Variants in CARMIL2 observed in about 807,000 individuals in gnomAD.
The protein encoded by CARMIL2 is capping protein, Arp2/3 and myosin-I linker protein 2.
In CARMIL2, 96 loss-of-function variants were observed where a neutral mutation model predicts 173.3. The observed-to-expected ratio is 0.55, with a 90% confidence interval of 0.47 to 0.66. CARMIL2 has a LOEUF of 0.66. CARMIL2 is among the 30% of genes least tolerant of loss of function. The pLI is 0.00. For missense variants in CARMIL2, 1,771 were observed against 1,906.7 expected (o/e 0.93, Z 1.33); for synonymous variants, 830 against 817.1 (o/e 1.02, Z -0.27).
rs757809867 is a variant in CARMIL2 at position 67,652,155 on chromosome 16, T to C, written c.2677-44T>C. On this transcript the variant is annotated intron_variant, in intron 26 of 37. Transcript: ENST00000334583. This position sits in a 1 kb window ranked among gnomAD's most constrained non-coding sequence, Gnocchi z 4.7. ...CCCTTAGTTAGCATCAATGGGATCATGGCTGAGGCCCTACCTGCCATCTTT... is the reference window on the plus strand; with the variant it reads ...CCCTTAGTTAGCATCAATGGGATCACGGCTGAGGCCCTACCTGCCATCTTT... The C allele has an allele frequency of 7.5e-6, 12 of 1,605,500 alleles. No individual in the cohort carries two copies. Among genetic ancestry groups the C allele is most frequent in the East Asian group, 4.5e-5 (2 of 44,776 alleles).
rs777012923 is a variant in CARMIL2, at chr16:67,645,708, G to A, written c.133-16G>A. ...GCCTCTTGCTCTGCCCAGGATATCAGACTGTCTTTCCCCAGGCACTGCTAC... is the reference window on the plus strand; with the variant it reads ...GCCTCTTGCTCTGCCCAGGATATCAAACTGTCTTTCCCCAGGCACTGCTAC... On this transcript the variant is annotated splice_polypyrimidine_tract_variant and intron_variant, in intron 2 of 37. Transcript: ENST00000334583. 1.9e-6 allele frequency: 3 copies of A among 1,613,556 alleles called. No individual in the cohort carries two copies. Among genetic ancestry groups the A allele is most frequent in the Non-Finnish European group, 2.5e-6 (3 of 1,179,894 alleles).
chr16:67,657,084 T>C lies in CARMIL2; in HGVS notation c.4118-155T>C. 2.5e-6 allele frequency: 2 copies of C among 800,212 alleles called. No homozygotes were observed. Among genetic ancestry groups the C allele is most frequent in the Middle Eastern group, 2.4e-4 (1 of 4,164 alleles). The allele number at this position is 800,212 out of a possible 1,614,324, so 49.6% of individuals were successfully genotyped here. A position where few individuals can be genotyped will look rare whatever the true frequency, so the allele number is the denominator to read the frequency against. Reference sequence around the variant, plus strand: ...TGGCTCCACTTCCCGAAGAGCAGCCTCTGCCAGGGGTGAGGACGCAGGGAC... The same window carrying C: ...TGGCTCCACTTCCCGAAGAGCAGCCCCTGCCAGGGGTGAGGACGCAGGGAC... On this transcript the variant is annotated intron_variant, in intron 36 of 37. Coordinates refer to ENST00000334583, the MANE Select transcript of CARMIL2 (RefSeq NM_001013838.3). The surrounding 1 kb of genome is among the most constrained non-coding windows in gnomAD (Gnocchi z 4.5).
intron 22 of CARMIL2, chr16:67,650,691 T>C: frequency 5.8e-6 from 1 of 173,722 alleles, no homozygotes; most frequent in Non-Finnish European, 1.2e-5. Flanking sequence ...TGGAGCCCAA[T>C]CCCACTGGTG....
Position 67,656,246 on chromosome 16 carries a change from C to A in CARMIL2, c.3761C>A (p.Ser1254Tyr), listed in dbSNP as rs758260253. The change falls in exon 34 of 38, where the codon TCC (serine) becomes TAC (tyrosine). Residue 1254 changes from serine to tyrosine, a missense_variant. Around this residue, in one of 3 missense-constraint regions of CARMIL2, gnomAD observed 817 missense variants for 903.5 expected, o/e 0.90. Coordinates refer to ENST00000334583, the MANE Select transcript of CARMIL2 (RefSeq NM_001013838.3). The part of the protein sequence containing the change: ...AGSDGDIMDS[S>Y]TEAPPISIKS... ...CTTGCAGGTGACATTATGGACAGTT[C>A]CACGGAGGCCCCTCCCATCTCGATC... 19 of 1,613,882 alleles carry A rather than the reference C, an allele frequency of 1.2e-5. No homozygotes were observed. Among genetic ancestry groups the A allele is most frequent in the Admixed American group, 8.3e-5 (5 of 60,010 alleles).
rs776552093 is a variant in CARMIL2, at chr16:67,654,759, C to A, written c.3583-19C>A. The stretch of plus-strand genomic sequence containing the variant: ...CCCAGGGCGCGGACTGTCTCCAACT[C>A]GAGCATCTCTGTCCCTAGCGGCGGC... On this transcript the variant is annotated intron_variant, in intron 31 of 37. Transcript: ENST00000334583. The A allele has an allele frequency of 3.7e-6, 6 of 1,612,554 alleles. No homozygotes were observed. Among genetic ancestry groups the A allele is most frequent in the African/African-American group, 2.7e-5 (2 of 74,916 alleles).
intron 22 of CARMIL2, 82 bp downstream of exon 22, chr16:67,650,232 T>C (rs2052699186): frequency 6.7e-6 from 8 of 1,198,748 alleles, no homozygotes; most frequent in Non-Finnish European, 9.5e-6. Flanking sequence ...TCAGAGGGTC[T>C]GACTTTCCTG....
intron 35 of CARMIL2, 28 bp from the exon 36 acceptor site, chr16:67,656,773 A>AT (rs1160166451): frequency 6.4e-7 from 1 of 1,551,568 alleles, no homozygotes; most frequent in South Asian, 1.2e-5. Context: ...AGCTGTTGGA[A>AT]TACCCCTGAT....
rs149839902 is a variant in CARMIL2, at chr16:67,655,107, G to A, written c.3705+207G>A. The stretch of plus-strand genomic sequence containing the variant: ...ACCAGCATCTCCTCTTTGGACCTGA[G>A]AAAGTCTTTTCTCTGCAGGTCTAAT... On this transcript the variant is annotated intron_variant, in intron 32 of 37. Coordinates refer to ENST00000334583, the MANE Select transcript of CARMIL2 (RefSeq NM_001013838.3). Among the ~76,000 whole-genome samples the A allele has an allele frequency of 1.6e-3, 244 of 152,352 alleles. 2 individuals are homozygous for A. Among genetic ancestry groups the A allele is most frequent in the African/African-American group, 5.6e-3 (231 of 41,590 alleles).
At chr16:67,655,443 GA>G (rs1195928525) in intron 32 of CARMIL2, among the ~76,000 whole-genome samples, 1 of 152,098 alleles carries the variant, frequency 6.6e-6, no homozygotes, top group Admixed American at 6.5e-5. Context: ...AAAAGAAAAA[GA>G]AAAAAATCTG....
rs771997171 is a variant in CARMIL2 at position 67,650,130 on chromosome 16, G to C, written c.2164G>C (p.Val722Leu). Reference sequence around the variant, plus strand: ...GACCCGCCTTCAGCCACTTGGTCTGGTCTCAGACCCCTCAGAGCAGGTCAA... The same window carrying C: ...GACCCGCCTTCAGCCACTTGGTCTGCTCTCAGACCCCTCAGAGCAGGTCAA... ...HTTRLQPLGL[V>L]SDPSEQEVNE... The change falls in exon 22 of 38, where the codon GTC becomes CTC. Residue 722 changes from valine (V) to leucine (L), a missense_variant. Transcript: ENST00000334583. 5 of 1,612,606 alleles carry C rather than the reference G, an allele frequency of 3.1e-6. No homozygotes were observed. The African/African-American group carries it at 5.3e-5, about 17-fold the overall frequency.
chr16:67,648,257 G>A lies in CARMIL2; in HGVS notation c.1277G>A (p.Arg426Gln). The A allele has an allele frequency of 6.3e-7, 1 of 1,599,800 alleles. No individual in the cohort carries two copies. Among genetic ancestry groups the A allele is most frequent in the Non-Finnish European group, 8.5e-7 (1 of 1,176,666 alleles). The stretch of plus-strand genomic sequence containing the variant: ...CCGCAGCTCTTCGCAGCGGTATCCC[G>A]AGGCTGCTGCACCAGCCTTACCCAC... The part of the protein sequence containing the change: ...LPPQLFAAVS[R>Q]GCCTSLTHLD... Residue 426 changes from arginine (R) to glutamine (Q), a missense_variant, in exon 14 of 38, where the codon CGA (arginine) becomes CAA (glutamine). By Grantham distance (43) the Arg-to-Gln change is conservative. Transcript: ENST00000334583. The surrounding 1 kb of genome is among the most constrained non-coding windows in gnomAD (Gnocchi z 6.1).
rs754658699 is a variant in CARMIL2, at chr16:67,648,135, G to T, written c.1155G>T (p.Arg385Ser). ...CCGACACTGCCCTGGACACTGTGAGGGGGTGCTCCGTGGGGGGATGGATGA... is the reference window on the plus strand; with the variant it reads ...CCGACACTGCCCTGGACACTGTGAGTGGGTGCTCCGTGGGGGGATGGATGA... ...AGTDTALDTV[R>S]GCSVGGWMTG... Residue 385 changes from arginine (R) to serine (S), a missense_variant, in exon 14 of 38, where the codon AGG (arginine) becomes AGT (serine). By Grantham distance (110) the Arg-to-Ser change is moderately radical. This residue lies in a region of CARMIL2 where 944 missense variants were observed against 975.6 expected (regional missense o/e 0.97). Transcript: ENST00000334583. The surrounding 1 kb of genome is among the most constrained non-coding windows in gnomAD (Gnocchi z 6.1). The T allele has an allele frequency of 3.7e-6, 6 of 1,612,808 alleles. No individual in the cohort carries two copies. The highest frequency in any genetic ancestry group is 5.1e-6 in the Non-Finnish European group (6 of 1,179,552).
Position 67,654,516 on chromosome 16 carries a change from C to T in CARMIL2, c.3406C>T (p.Leu1136=), listed in dbSNP as rs773259266. The stretch of plus-strand genomic sequence containing the variant: ...CCGAAAAACTACATTTGGCGACCTA[C>T]TGCGGCCGCCAACCCGTCCCAGCCG... ...RTRKTTFGDL[L]RPPTRPSRGE... is the part of the protein sequence containing the mutation. The change falls in exon 31 of 38, where the codon CTG becomes TTG. Residue 1136 remains leucine, a synonymous_variant. Transcript: ENST00000334583. The T allele has an allele frequency of 6.2e-7, 1 of 1,611,808 alleles. No homozygotes were observed. Among genetic ancestry groups the T allele is most frequent in the East Asian group, 2.2e-5 (1 of 44,840 alleles).
At position 67,653,354 on chromosome 16, in the gene CARMIL2, G is replaced by A; in HGVS notation, c.3120+100G>A. ...TAGCGGTCAAGGAGAGGGGGTGGTG[G>A]GGGCCCAAGGCCACCTGGTCGTGCG... is the stretch of plus-strand genomic sequence containing the variant. On this transcript the variant is annotated intron_variant, in intron 29 of 37. Coordinates refer to ENST00000334583, the MANE Select transcript of CARMIL2 (RefSeq NM_001013838.3). The surrounding 1 kb of genome is among the most constrained non-coding windows in gnomAD (Gnocchi z 7.4). The A allele has an allele frequency of 2.2e-6, 1 of 464,712 alleles. No homozygotes were observed. The highest frequency in any genetic ancestry group is 2.9e-6 in the Non-Finnish European group (1 of 340,910). The allele number at this position is 464,712 out of a possible 1,614,324, so 28.8% of individuals were successfully genotyped here. A position where few individuals can be genotyped will look rare whatever the true frequency, so the allele number is the denominator to read the frequency against.
At chr16:67,656,358 C>A in intron 34 of CARMIL2, 59 bp downstream of exon 34, 1 of 1,611,134 alleles carries the variant, frequency 6.2e-7, no homozygotes, top group South Asian at 1.1e-5. Flanking sequence ...GGAGTTGGGT[C>A]AGACTGTTGT....
chr16:67,649,554 C>T lies in CARMIL2; in HGVS notation c.1854C>T (p.Gly618=). ...NPNLTALDIS[G]NAMGDAGAKL... ...ACCTGACCGCGCTGGATATCAGCGG[C>T]AACGCCATGGGGGACGCGGGCGCCA... The change falls in exon 20 of 38, where the codon GGC becomes GGT. Residue 618 remains glycine, a synonymous_variant. Coordinates refer to ENST00000334583, the MANE Select transcript of CARMIL2 (RefSeq NM_001013838.3). This position sits in a 1 kb window ranked among gnomAD's most constrained non-coding sequence, Gnocchi z 6.7. 1 of 1,603,856 alleles carries T rather than the reference C, an allele frequency of 6.2e-7. No homozygotes were observed. The highest frequency in any genetic ancestry group is 1.1e-5 in the South Asian group (1 of 91,086).
At chr16:67,645,842 G>A in intron 3 of CARMIL2, 65 bp downstream of exon 3, 1 of 1,592,352 alleles carries the variant, frequency 6.3e-7, no homozygotes. Flanking sequence ...GGCTGCATCT[G>A]CAGAGTGGTC....
chr16:67,645,298 C>G lies in CARMIL2; in HGVS notation c.40+12C>G, dbSNP rs552832007. ...CTGTGAGCTCCGAGGTAAGCGCTGG[C>G]CCTTCCTGCCTTCTTGGCCGGGAGG... On this transcript the variant is annotated intron_variant, in intron 1 of 37. Coordinates refer to ENST00000334583, the MANE Select transcript of CARMIL2 (RefSeq NM_001013838.3). The G allele has an allele frequency of 4.6e-5, 73 of 1,601,834 alleles. No homozygotes were observed. In the African/African-American group the frequency reaches 9.0e-4, roughly 20 times the overall value.
chr16:67,652,433 C>A lies in CARMIL2; in HGVS notation c.2818-39C>A, dbSNP rs1431143914. 1.9e-6 allele frequency: 3 copies of A among 1,611,456 alleles called. No homozygotes were observed. Among genetic ancestry groups the A allele is most frequent in the Non-Finnish European group, 2.5e-6 (3 of 1,178,358 alleles). On this transcript the variant is annotated intron_variant, in intron 27 of 37. Coordinates refer to ENST00000334583, the MANE Select transcript of CARMIL2 (RefSeq NM_001013838.3). The surrounding 1 kb of genome is among the most constrained non-coding windows in gnomAD (Gnocchi z 4.7). Reference sequence around the variant, plus strand: ...GAAAGGCAGCTCTTTTGGGTTGGTGCTCTCCTACCCCAGGCTGAGTTTGTG... The same window carrying A: ...GAAAGGCAGCTCTTTTGGGTTGGTGATCTCCTACCCCAGGCTGAGTTTGTG...
Sources: allele counts gnomAD v4.1 joint callset (sites outside exome capture counted in the v4.1 genomes callset), GRCh38; gene constraint gnomAD v4.1.1; regional missense constraint gnomAD v4.1.1; non-coding constraint Gnocchi (gnomAD v3.1); transcripts MANE v1.5; gene names NCBI Gene and HGNC (gene_info 2026-07-23, HGNC 2026-07-21).